NAV2: variants seen among roughly 807,000 people sequenced by gnomAD.
The protein encoded by NAV2 is helicase, APC down-regulated 1.
In NAV2, 54 loss-of-function variants were observed where a neutral mutation model predicts 223.2. The observed-to-expected ratio is 0.24, with a 90% CI of 0.19 to 0.30. NAV2 has a LOEUF of 0.30. NAV2 is among the 10% of genes least tolerant of loss of function. The pLI is 1.00. For synonymous variants in NAV2, 1,279 were observed against 1,239.3 expected (o/e 1.03, Z -0.67); for missense variants, 2,806 against 3,147.5 (o/e 0.89, Z 2.60).
intron 1 of NAV2, among the ~76,000 whole-genome samples, chr11:19,746,036 C>G (rs1163724457): frequency 6.6e-6 from 1 of 152,112 alleles, no homozygotes; most frequent in East Asian, 1.9e-4. Flanking sequence ...AATATTATGC[C>G]CATTTTACAG....
At chr11:19,463,588 C>T (rs2702637) in intron 1 of NAV2, among the ~76,000 whole-genome samples, 7,767 of 152,194 alleles carry the variant, frequency 0.051, 503 homozygotes, top group African/African-American at 0.16. Flanking sequence ...GCCAATGCCA[C>T]GATAAGGGAA....
chr11:19,815,508 A>C (rs1490136762), intron 1 of NAV2, among the ~76,000 whole-genome samples: 1 of 152,254 alleles, frequency 6.6e-6, no homozygotes, highest in East Asian at 1.9e-4. Flanking sequence ...ATATGCCTGC[A>C]TGGGAATTCC....
At chr11:19,956,139 A>G (rs141723576) in intron 10 of NAV2, among the ~76,000 whole-genome samples, 78 of 152,314 alleles carry the variant, frequency 5.1e-4, no homozygotes, top group African/African-American at 1.8e-3. Flanking sequence ...AGACTCAGCT[A>G]TGTGGACAGA....
At chr11:19,898,175 T>C (rs2042155219) in intron 6 of NAV2, among the ~76,000 whole-genome samples, 1 of 152,124 alleles carries the variant, frequency 6.6e-6, no homozygotes, top group Admixed American at 6.5e-5. Flanking sequence ...ATATAGAAGA[T>C]ACTTTCTTCT....
At chr11:19,868,773 C>A in intron 3 of NAV2, 152 bp from the exon 4 acceptor site, 3 of 651,060 alleles carry the variant, frequency 4.6e-6, no homozygotes, top group South Asian at 2.0e-5. Flanking sequence ...AACCTTTTTC[C>A]TGTGCAAGTA....
At chr11:20,062,258 G>C in intron 19 of NAV2, 49 bp from the exon 20 acceptor site, 1 of 1,441,282 alleles carries the variant, frequency 6.9e-7, no homozygotes, top group South Asian at 1.2e-5. Context: ...CCCCTTTTTG[G>C]TTCCATAACA....
chr11:19,585,968 A>G (rs967312743), intron 1 of NAV2, among the ~76,000 whole-genome samples: 7 of 152,226 alleles, frequency 4.6e-5, no homozygotes, highest in Non-Finnish European at 8.8e-5. Flanking sequence ...AATATCCTGC[A>G]GAGTGTTTTC....
intron 11 of NAV2, among the ~76,000 whole-genome samples, chr11:20,027,857 C>A (rs907235470): frequency 1.3e-5 from 2 of 152,210 alleles, no homozygotes; most frequent in Admixed American, 6.5e-5. Flanking sequence ...CTCCTCCTCC[C>A]GGAGTCTTTT....
At chr11:19,434,519 G>A (rs79849877) in intron 1 of NAV2, among the ~76,000 whole-genome samples, 1 of 152,318 alleles carries the variant, frequency 6.6e-6, no homozygotes, top group African/African-American at 2.4e-5. Flanking sequence ...GAGCTGAGTT[G>A]CCACCAGAAG....
intron 1 of NAV2, among the ~76,000 whole-genome samples, chr11:19,778,871 C>G (rs1357465026): frequency 6.6e-6 from 1 of 152,208 alleles, no homozygotes; most frequent in Admixed American, 6.5e-5. Flanking sequence ...TGAGATGCCA[C>G]TCTAACAGGC....
chr11:19,982,892 G>A (rs546877914), intron 10 of NAV2, among the ~76,000 whole-genome samples: 2 of 152,264 alleles, frequency 1.3e-5, no homozygotes, highest in East Asian at 1.9e-4. Context: ...CCTCAGGGTC[G>A]ACTCCATATA....
intron 1 of NAV2, among the ~76,000 whole-genome samples, chr11:19,736,451 A>AAGACACTTTATCTTCC (rs1323268376): frequency 1.1e-4 from 16 of 152,144 alleles, no homozygotes; most frequent in African/African-American, 3.4e-4. Flanking sequence ...GTGGAAGATA[A>AAGACACTTTATCTTCC]AGACACTTTA....
intron 1 of NAV2, among the ~76,000 whole-genome samples, chr11:19,605,614 G>C (rs921115784): frequency 2.6e-5 from 4 of 152,054 alleles, no homozygotes; most frequent in African/African-American, 9.7e-5. Flanking sequence ...AGCATGTGAG[G>C]ATGGAAGGGT....
At chr11:19,348,980 C>G (rs1189139717), upstream of NAV2, among the ~76,000 whole-genome samples, 1 of 152,234 alleles carries the variant, frequency 6.6e-6, no homozygotes, top group African/African-American at 2.4e-5. Context: ...GAGGTTTCAC[C>G]TTTGCAAAGG....
At chr11:19,637,653 T>C (rs555409385) in intron 1 of NAV2, among the ~76,000 whole-genome samples, 1 of 152,340 alleles carries the variant, frequency 6.6e-6, no homozygotes, top group African/African-American at 2.4e-5. Flanking sequence ...AGCAGGCATC[T>C]CATGTGGCAA....
chr11:19,457,176 A>C (rs1266536980), intron 1 of NAV2, among the ~76,000 whole-genome samples: 3 of 152,240 alleles, frequency 2.0e-5, no homozygotes, highest in African/African-American at 7.2e-5. Flanking sequence ...AAACAATAGC[A>C]AAATTTAAAA....
chr11:19,849,083 C>T (rs2060968091), intron 3 of NAV2, among the ~76,000 whole-genome samples: 1 of 152,190 alleles, frequency 6.6e-6, no homozygotes, highest in Non-Finnish European at 1.5e-5. Flanking sequence ...TGCTGAGAGC[C>T]TACTCAATCA....
chr11:19,720,631 C>G (rs563025360), intron 1 of NAV2, among the ~76,000 whole-genome samples: 2 of 152,322 alleles, frequency 1.3e-5, no homozygotes, highest in African/African-American at 4.8e-5. Flanking sequence ...AAATTAGCTA[C>G]TCATGGCAAT....
intron 36 of NAV2, among the ~76,000 whole-genome samples, chr11:20,110,792 T>A (rs1438875030): frequency 6.6e-6 from 1 of 152,230 alleles, no homozygotes; most frequent in Non-Finnish European, 1.5e-5. Flanking sequence ...ACACCTACTC[T>A]AGGGTCACCT....
Sources: allele counts gnomAD v4.1 joint callset (sites outside exome capture counted in the v4.1 genomes callset), GRCh38; gene constraint gnomAD v4.1.1; transcripts MANE v1.5; gene names NCBI Gene and HGNC (gene_info 2026-07-23, HGNC 2026-07-21).